Variants in FAM200C observed in about 807,000 individuals in gnomAD.
the FAM200C span, chr5:160,393,459 C>A: frequency 2.2e-6 from 1 of 458,386 alleles, no homozygotes; most frequent in Non-Finnish European, 3.8e-6. Flanking sequence ...TCATATACCA[C>A]ACGAACAGGT....
chr5:160,394,774 A>G, the FAM200C span: 1 of 1,614,114 alleles, frequency 6.2e-7, no homozygotes, highest in Non-Finnish European at 8.5e-7. Flanking sequence ...CAGTACAAAC[A>G]GAGCCACATA....
the FAM200C span, chr5:160,394,564 G>A: frequency 1.9e-6 from 3 of 1,614,108 alleles, no homozygotes; most frequent in Non-Finnish European, 2.5e-6. Flanking sequence ...CCTGAAATAG[G>A]CGATGATTTG....
At chr5:160,398,012 C>T in the FAM200C span, among the ~76,000 whole-genome samples, 3 of 152,068 alleles carry the variant, frequency 2.0e-5, no homozygotes, top group Admixed American at 1.3e-4. Context: ...GAAGCCAAGG[C>T]GGGCAGATCA....
chr5:160,394,032 C>A, the FAM200C span: 1 of 1,611,804 alleles, frequency 6.2e-7, no homozygotes, highest in Non-Finnish European at 8.5e-7. Context: ...AAATAACTAT[C>A]ATCAACAAAA....
chr5:160,393,940 C>G, the FAM200C span: 1 of 1,613,814 alleles, frequency 6.2e-7, no homozygotes, highest in Non-Finnish European at 8.5e-7. Context: ...ATTGGGCACA[C>G]CAGAAATCCT....
chr5:160,399,552 G>A, the FAM200C span: 1 of 152,262 alleles, frequency 6.6e-6, no homozygotes, highest in African/African-American at 2.4e-5. Context: ...ACGCTCCAGG[G>A]GCAAACGCCT....
At chr5:160,394,119 A>G in the FAM200C span, 14 of 1,613,600 alleles carry the variant, frequency 8.7e-6, no homozygotes, top group Non-Finnish European at 1.2e-5. Context: ...TATCCATGGA[A>G]GAAGTTGCTC....
chr5:160,395,454 G>A, the FAM200C span: 2 of 1,614,070 alleles, frequency 1.2e-6, no homozygotes, highest in East Asian at 2.2e-5. Flanking sequence ...AACCAGTAGC[G>A]AACATAGTCA....
At chr5:160,394,071 T>C in the FAM200C span, 4 of 1,611,854 alleles carry the variant, frequency 2.5e-6, no homozygotes, top group East Asian at 2.2e-5. Flanking sequence ...GGATCCAATA[T>C]CCATTTACTT....
the FAM200C span, chr5:160,394,359 C>T: frequency 1.2e-6 from 2 of 1,613,850 alleles, no homozygotes; most frequent in African/African-American, 2.7e-5. Flanking sequence ...AATAAATCTG[C>T]AAGGTATGCT....
chr5:160,399,669 A>C, the FAM200C span: 1 of 152,212 alleles, frequency 6.6e-6, no homozygotes, highest in Admixed American at 6.5e-5. Context: ...TTTAATTATA[A>C]GAATGCATGC....
At chr5:160,393,989 C>G in the FAM200C span, 1 of 1,613,754 alleles carries the variant, frequency 6.2e-7, no homozygotes, top group Non-Finnish European at 8.5e-7. Flanking sequence ...GATTTGGCCA[C>G]TAGCTCGTAA....
chr5:160,395,261 T>C, the FAM200C span: 11 of 1,614,152 alleles, frequency 6.8e-6, no homozygotes, highest in Non-Finnish European at 9.3e-6. Context: ...TTTCAAGGTT[T>C]CACTCTGATC....
chr5:160,398,461 G>A, the FAM200C span, among the ~76,000 whole-genome samples: 1 of 152,148 alleles, frequency 6.6e-6, no homozygotes, highest in Non-Finnish European at 1.5e-5. Context: ...CGCTTGATCT[G>A]GGAGGCAGAG....
chr5:160,398,013 G>A, the FAM200C span, among the ~76,000 whole-genome samples: 4 of 152,058 alleles, frequency 2.6e-5, no homozygotes, highest in East Asian at 3.9e-4. Flanking sequence ...AAGCCAAGGC[G>A]GGCAGATCAC....
chr5:160,394,638 T>C, the FAM200C span: 7 of 1,614,106 alleles, frequency 4.3e-6, no homozygotes, highest in Non-Finnish European at 5.9e-6. Context: ...CTCAGTTTTG[T>C]AGGCAATGTC....
chr5:160,393,964 C>T, the FAM200C span: 60 of 1,613,730 alleles, frequency 3.7e-5, 1 homozygote, highest in South Asian at 6.4e-4. Flanking sequence ...GCTTCATTGT[C>T]TCAAATTCCA....
At chr5:160,394,335 C>G in the FAM200C span, 1 of 1,613,856 alleles carries the variant, frequency 6.2e-7, no homozygotes, top group Non-Finnish European at 8.5e-7. Flanking sequence ...GCACTGAGTT[C>G]ATTTAAGTGT....
chr5:160,394,629 T>C, the FAM200C span: 252 of 1,614,028 alleles, frequency 1.6e-4, 1 homozygote, highest in Middle Eastern at 1.6e-4. Context: ...AGAGCATCCC[T>C]CAGTTTTGTA....
Sources: gnomAD v4.1 joint callset for allele counts (sites outside exome capture counted in the v4.1 genomes callset) on GRCh38, gnomAD v4.1.1 for gene constraint, MANE v1.5 for transcripts.